The following FAF1 variants were observed in gnomAD, a reference collection of about 807,000 sequenced individuals.
The protein encoded by FAF1 is FAS-associated factor 1.
FAF1 carries 25 observed loss-of-function variants against 92.5 expected under a neutral mutation model. That is an observed-to-expected ratio of 0.27 (90% confidence interval 0.20 to 0.38). The LOEUF is 0.38. Ranked by LOEUF, FAF1 falls within the 10% of genes least tolerant of loss-of-function variation. FAF1 has a pLI of 1.00. For synonymous variants in FAF1, 234 were observed against 273.2 expected, an observed-to-expected ratio of 0.86 and a Z score of 1.42; for missense variants, 636 against 793.3, an observed-to-expected ratio of 0.80 and a Z score of 2.38.
chr1:50,771,778 G>C (rs1041546489), intron 4 of FAF1, among the ~76,000 whole-genome samples: 6 of 152,140 alleles, frequency 3.9e-5, no homozygotes, highest in African/African-American at 1.4e-4. Flanking sequence ...GTGGGCGCCT[G>C]TAATCCCAGC....
chr1:50,794,917 G>A (rs1181070971), intron 3 of FAF1, among the ~76,000 whole-genome samples: 4 of 152,024 alleles, frequency 2.6e-5, no homozygotes, highest in Non-Finnish European at 5.9e-5. Context: ...GATTACAGGC[G>A]TGAGCCACCG....
chr1:50,549,125 G>A (rs1649169681), intron 13 of FAF1, among the ~76,000 whole-genome samples: 1 of 152,112 alleles, frequency 6.6e-6, no homozygotes, highest in African/African-American at 2.4e-5. Flanking sequence ...TTTACACCAT[G>A]CTTGCCACTG....
intron 1 of FAF1, among the ~76,000 whole-genome samples, chr1:50,940,671 T>C (rs1188419558): frequency 1.3e-5 from 2 of 152,260 alleles, no homozygotes; most frequent in East Asian, 1.9e-4. Flanking sequence ...TATAGATTTA[T>C]ACTAACATAA....
At chr1:50,636,646 G>A (rs535471040) in intron 8 of FAF1, among the ~76,000 whole-genome samples, 6 of 152,024 alleles carry the variant, frequency 3.9e-5, no homozygotes, top group South Asian at 2.1e-4. Flanking sequence ...GTGAGCCACC[G>A]CGCCTGGCCT....
Position 50,959,761 on chromosome 1 carries a change from C to T in FAF1, c.45+6G>A, listed in dbSNP as rs1252169251. The T allele has an allele frequency of 5.6e-6, 9 of 1,601,438 alleles. No individual in the cohort carries two copies. Among genetic ancestry groups the T allele is most frequent in the South Asian group, 1.1e-5 (1 of 90,142 alleles). ...AGTGGGAGGGGAAGAGGGCCAGATA[C>T]TTCACCTGAAAATCCGCCAGGATCA... On this transcript the variant is annotated splice_donor_region_variant and intron_variant, in intron 1 of 18. Coordinates refer to ENST00000396153, the MANE Select transcript of FAF1 (RefSeq NM_007051.3).
chr1:50,450,269 T>C (rs1017248582), intron 18 of FAF1, among the ~76,000 whole-genome samples: 1 of 152,142 alleles, frequency 6.6e-6, no homozygotes, highest in African/African-American at 2.4e-5. Flanking sequence ...ATATATTATC[T>C]AATTAAATGG....
chr1:50,946,329 G>C (rs1249951289), intron 1 of FAF1, among the ~76,000 whole-genome samples: 2 of 152,206 alleles, frequency 1.3e-5, no homozygotes, highest in African/African-American at 4.8e-5. Context: ...CCACCCAAAG[G>C]AGAGTTGGCA....
chr1:50,915,357 C>T lies in FAF1; in HGVS notation c.45+44410G>A, dbSNP rs1353908296. Among the ~76,000 whole-genome samples, 9 of 139,938 alleles carry T rather than the reference C, an allele frequency of 6.4e-5. No homozygotes were observed. In the East Asian group the frequency reaches 1.2e-3, roughly 19 times the overall value. The allele number at this position is 139,938 out of a possible 152,430, so 91.8% of individuals were successfully genotyped here. A position where few individuals can be genotyped will look rare whatever the true frequency, so the allele number is the denominator to read the frequency against. On this transcript the variant is annotated intron_variant, in intron 1 of 18. Coordinates refer to ENST00000396153, the MANE Select transcript of FAF1 (RefSeq NM_007051.3). ...TGCACTCCAGCCTGGGCAACAAGAGCGAAACTCCATCTCAAAAAAAAAAAA... is the reference window on the plus strand; with the variant it reads ...TGCACTCCAGCCTGGGCAACAAGAGTGAAACTCCATCTCAAAAAAAAAAAA...
At chr1:50,468,625 A>G (rs1401525523) in intron 18 of FAF1, among the ~76,000 whole-genome samples, 1 of 151,998 alleles carries the variant, frequency 6.6e-6, no homozygotes, top group African/African-American at 2.4e-5. Context: ...GCGCCTGGCT[A>G]ATTTTTTGTA....
chr1:50,443,292 A>G (rs1296208009), intron 18 of FAF1, among the ~76,000 whole-genome samples: 1 of 152,204 alleles, frequency 6.6e-6, no homozygotes, highest in African/African-American at 2.4e-5. Flanking sequence ...GGGTTGTCAT[A>G]TGCAAGATTA....
chr1:50,555,113 G>C (rs995702633), intron 13 of FAF1, among the ~76,000 whole-genome samples: 1 of 151,978 alleles, frequency 6.6e-6, no homozygotes, highest in Non-Finnish European at 1.5e-5. Flanking sequence ...AGCTACTTCA[G>C]TCAGGAGGCT....
chr1:50,610,747 C>G (rs542076280), intron 8 of FAF1, among the ~76,000 whole-genome samples: 5 of 152,224 alleles, frequency 3.3e-5, no homozygotes, highest in Admixed American at 6.5e-5. Context: ...AAGCCACACC[C>G]CTCACACCTG....
At chr1:50,886,239 T>G (rs1313404419) in intron 1 of FAF1, among the ~76,000 whole-genome samples, 1 of 152,234 alleles carries the variant, frequency 6.6e-6, no homozygotes, top group Non-Finnish European at 1.5e-5. Flanking sequence ...ATTGAAGTAC[T>G]CCCTTTAACA....
In FAF1 at chr1:50,535,360, T is replaced by C. The variant is rs781750005; in HGVS notation, c.1494+9A>G. The C allele has an allele frequency of 1.3e-6, 2 of 1,581,912 alleles. No homozygotes were observed. Among genetic ancestry groups the C allele is most frequent in the East Asian group, 2.2e-5 (1 of 44,618 alleles). ...ATCAAAATCCTATTAAAGATCTGCA[T>C]AACCTTACCTCGTCCTTTATATCTT... is the stretch of plus-strand genomic sequence containing the variant. On this transcript the variant is annotated intron_variant, in intron 15 of 18. Coordinates refer to ENST00000396153, the MANE Select transcript of FAF1 (RefSeq NM_007051.3).
chr1:50,916,333 G>A (rs1357007901), intron 1 of FAF1, among the ~76,000 whole-genome samples: 1 of 152,114 alleles, frequency 6.6e-6, no homozygotes, highest in Non-Finnish European at 1.5e-5. Context: ...CTAATTTTGT[G>A]GTAAAGACAG....
chr1:50,854,822 A>G (rs981231778), intron 2 of FAF1, among the ~76,000 whole-genome samples: 4 of 151,828 alleles, frequency 2.6e-5, no homozygotes, highest in Non-Finnish European at 4.4e-5. Context: ...AGTTACTTTG[A>G]GCATCCCTAA....
intron 17 of FAF1, among the ~76,000 whole-genome samples, chr1:50,486,554 G>A (rs1056837587): frequency 3.7e-4 from 56 of 151,584 alleles, no homozygotes; most frequent in African/African-American, 1.3e-3. Context: ...CGGGCGCACC[G>A]TGAAGTCTTT....
chr1:50,801,551 A>C, intron 3 of FAF1, 80 bp downstream of exon 3: 1 of 787,236 alleles, frequency 1.3e-6, no homozygotes, highest in Non-Finnish European at 2.2e-6. Flanking sequence ...TCTATTAAAA[A>C]ATAAAACAAA....
rs528255816 is a variant in FAF1 at position 50,585,961 on chromosome 1, G to A, written c.841-1150C>T. The stretch of plus-strand genomic sequence containing the variant: ...TTAGTTACTTGGGAGGCTGAGGCAG[G>A]AGGATCACTTGAGCCCACGAGGTCA... On this transcript the variant is annotated intron_variant, in intron 9 of 18. Coordinates refer to ENST00000396153, the MANE Select transcript of FAF1 (RefSeq NM_007051.3). Among the ~76,000 whole-genome samples the A allele has an allele frequency of 1.7e-4, 26 of 151,984 alleles. 1 individual carries two copies. In the Middle Eastern group the frequency reaches 0.01, roughly 60 times the overall value.
Sources: gnomAD v4.1 joint callset for allele counts (sites outside exome capture counted in the v4.1 genomes callset) on GRCh38, gnomAD v4.1.1 for gene constraint, MANE v1.5 for transcripts, NCBI Gene and HGNC (gene_info 2026-07-23, HGNC 2026-07-21) for gene names.